NCCRP1: variants seen among roughly 807,000 people sequenced by gnomAD.
NCCRP1 encodes the protein NCCRP1, F-box associated domain containing.
NCCRP1 carries 32 observed loss-of-function variants against 34.4 expected under a neutral mutation model. The ratio of observed to expected loss-of-function variants is 0.93; its 90% CI spans 0.70 to 1.25. NCCRP1 has a LOEUF of 1.25. Ranked by LOEUF, NCCRP1 falls within the 50% of genes most tolerant of loss-of-function variation. The pLI is 0.00. For missense variants in NCCRP1, 372 were observed against 391.8 expected, an observed-to-expected ratio of 0.95 and a Z score of 0.43; for synonymous variants, 172 against 180.1, an observed-to-expected ratio of 0.95 and a Z score of 0.36.
At position 39,200,499 on chromosome 19, in the gene NCCRP1, G is replaced by C. The variant is rs755253469; in HGVS notation, c.687+15G>C. On this transcript the variant is annotated intron_variant, in intron 5 of 5. Transcript: ENST00000339852. This position sits in a 1 kb window ranked among gnomAD's most constrained non-coding sequence, Gnocchi z 5.8. ...GCTGGGTCCAGGTGAGACTCTCCGCGCCGGGGCCCTCAACCCCAGACGTGT... is the reference window on the plus strand; with the variant it reads ...GCTGGGTCCAGGTGAGACTCTCCGCCCCGGGGCCCTCAACCCCAGACGTGT... 6.2e-7 allele frequency: 1 copy of C among 1,611,830 alleles called. No homozygotes were observed. Among genetic ancestry groups the C allele is most frequent in the South Asian group, 1.1e-5 (1 of 90,770 alleles).
chr19:39,199,842 C>T lies in NCCRP1; in HGVS notation c.549-504C>T, dbSNP rs370230158. On this transcript the variant is annotated intron_variant, in intron 4 of 5. Transcript: ENST00000339852. ...CCTTATTTCTTAAAAGCCTGTCACCCTCTATTCTCAAGACCAATTCCTTCT... is the reference window on the plus strand; with the variant it reads ...CCTTATTTCTTAAAAGCCTGTCACCTTCTATTCTCAAGACCAATTCCTTCT... Among the ~76,000 whole-genome samples, 5 of 152,004 alleles carry T rather than the reference C, an allele frequency of 3.3e-5. No homozygotes were observed. In the East Asian group the frequency reaches 9.6e-4, roughly 29 times the overall value.
chr19:39,197,921 T>A, intron 1 of NCCRP1, 132 bp from the exon 2 acceptor site: 1 of 1,004,290 alleles, frequency 1.0e-6, no homozygotes, highest in Non-Finnish European at 1.5e-6. Context: ...CCTGACTCAC[T>A]CATCCCTGCC....
At chr19:39,197,381 CCT>C (rs1169343391) in intron 1 of NCCRP1, 62 bp downstream of exon 1, 2 of 1,294,346 alleles carry the variant, frequency 1.5e-6, no homozygotes, top group African/African-American at 3.1e-5. Flanking sequence ...TTCCTCTTTC[CCT>C]GTTTCCTTAT....
In NCCRP1 at chr19:39,197,136, G is replaced by T. The variant is rs1188437536; in HGVS notation, c.154G>T (p.Ala52Ser). ...PSPPSLPSPA[A>S]PEAPELPEPA... The stretch of plus-strand genomic sequence containing the variant: ...GCCGCCGTCGCTGCCATCGCCCGCA[G>T]CCCCGGAGGCCCCCGAGCTCCCCGA... Residue 52 changes from alanine to serine, a missense_variant, in exon 1 of 6, where the codon GCC (alanine) becomes TCC (serine). Physicochemically the swap from Ala to Ser is moderately conservative, Grantham distance 99. Transcript: ENST00000339852. 4.0e-6 allele frequency: 6 copies of T among 1,497,960 alleles called. No individual in the cohort carries two copies. In the Admixed American group the frequency reaches 8.7e-5, roughly 22 times the overall value. 92.8% of individuals were successfully genotyped at this position (1,497,960 alleles called of 1,614,324 possible). A position where few individuals can be genotyped will look rare whatever the true frequency, so the allele number is the denominator to read the frequency against.
rs763160619 is a variant in NCCRP1, at chr19:39,200,398, C to T, written c.601C>T (p.Leu201=). Residue 201 remains leucine (L), a synonymous_variant, in exon 5 of 6, where the codon CTG becomes TTG. Coordinates refer to ENST00000339852, the MANE Select transcript of NCCRP1 (RefSeq NM_001001414.2). This position sits in a 1 kb window ranked among gnomAD's most constrained non-coding sequence, Gnocchi z 5.8. ...CGTCTATGAGCTGCATGTCTGGCTGCTGGCGGCCGACCGCCGCACGGTCAT... is the reference window on the plus strand; with the variant it reads ...CGTCTATGAGCTGCATGTCTGGCTGTTGGCGGCCGACCGCCGCACGGTCAT... The part of the protein sequence containing the change: ...ACVYELHVWL[L]AADRRTVIAQ... The T allele has an allele frequency of 1.9e-6, 3 of 1,613,538 alleles. No homozygotes were observed. The East Asian group carries it at 6.7e-5, about 36-fold the overall frequency.
rs2074776203 is a variant in NCCRP1, at chr19:39,199,203, G to C, written c.486G>C (p.Leu162=). ...TGAAGCAGCAGTGTGTGGACCTTCT[G>C]GCCGAGGGCCTGTGGGAGGAGCTGC... The part of the protein sequence containing the change: ...WTVKQQCVDL[L]AEGLWEELLD... Residue 162 remains leucine (L), a synonymous_variant, in exon 4 of 6, where the codon CTG becomes CTC. Transcript: ENST00000339852. 2 of 1,613,982 alleles carry C rather than the reference G, an allele frequency of 1.2e-6. No individual in the cohort carries two copies. Among genetic ancestry groups the C allele is most frequent in the Admixed American group, 3.3e-5 (2 of 59,986 alleles).
intron 3 of NCCRP1, among the ~76,000 whole-genome samples, chr19:39,198,520 C>T (rs1048615717): frequency 9.2e-5 from 14 of 152,140 alleles, no homozygotes; most frequent in East Asian, 1.9e-4. Flanking sequence ...AGTGCAGTGA[C>T]GCAATCTCAG....
At chr19:39,199,331 A>T in intron 4 of NCCRP1, 66 bp downstream of exon 4, 1 of 1,428,346 alleles carries the variant, frequency 7.0e-7, no homozygotes, top group South Asian at 1.2e-5. Flanking sequence ...CATGAGCCTT[A>T]CTCTGAGCTC....
intron 1 of NCCRP1, 127 bp from the exon 2 acceptor site, chr19:39,197,926 C>G: frequency 1.9e-6 from 2 of 1,076,614 alleles, no homozygotes; most frequent in Non-Finnish European, 2.8e-6. Context: ...CTCACTCATC[C>G]CTGCCGGGCT....
rs570263986 is a variant in NCCRP1 at position 39,197,995 on chromosome 19, G to A, written c.338-58G>A. 1.2e-4 allele frequency: 189 copies of A among 1,586,100 alleles called. No homozygotes were observed. The African/African-American group carries it at 2.0e-3, about 16-fold the overall frequency. The stretch of plus-strand genomic sequence containing the variant: ...TGTATAGCCCTGCGGGTAGGGAGGG[G>A]TGAGGCGGTGGAAGATGGAGGGGCT... On this transcript the variant is annotated intron_variant, in intron 1 of 5. Transcript: ENST00000339852.
Position 39,197,284 on chromosome 19 carries a change from T to C in NCCRP1, c.302T>C (p.Leu101Pro), listed in dbSNP as rs1394122267. 3 of 1,490,956 alleles carry C rather than the reference T, an allele frequency of 2.0e-6. No individual in the cohort carries two copies. The highest frequency in any genetic ancestry group is 2.7e-6 in the Non-Finnish European group (3 of 1,130,994). 92.4% of individuals were successfully genotyped at this position (1,490,956 alleles called of 1,614,324 possible). Residue 101 changes from leucine to proline, a missense_variant, in exon 1 of 6, where the codon CTC becomes CCC. Leu to Pro is a moderately conservative substitution (Grantham distance 98, BLOSUM62 -3). Coordinates refer to ENST00000339852, the MANE Select transcript of NCCRP1 (RefSeq NM_001001414.2). ...AAGCTGCTCCTGTTGCGGCGGCCGC[T>C]CTACCGCAACCTGCTGCGCTCGCCC... ...TWKLLLLRRP[L>P]YRNLLRSPNP...
intron 1 of NCCRP1, 55 bp downstream of exon 1, chr19:39,197,374 C>A: frequency 7.6e-7 from 1 of 1,324,198 alleles, no homozygotes; most frequent in Non-Finnish European, 9.8e-7. Flanking sequence ...CTGTCTCTTC[C>A]TCTTTCCCTG....
Position 39,200,671 on chromosome 19 carries a change from A to C in NCCRP1, c.743A>C (p.His248Pro), listed in dbSNP as rs774008978. 3.7e-6 allele frequency: 6 copies of C among 1,613,984 alleles called. No individual in the cohort carries two copies. The highest frequency in any genetic ancestry group is 1.3e-5 in the African/African-American group (1 of 74,908). ...GGTGTGCGCTTTATCCACTTCCTGC[A>C]CAAGGCCAAGAACCGCATGGAGCCT... ...GPGVRFIHFL[H>P]KAKNRMEPGG... The change falls in exon 6 of 6, where the codon CAC (histidine) becomes CCC (proline). Residue 248 changes from histidine to proline, a missense_variant. His to Pro is a moderately conservative substitution (Grantham distance 77). Coordinates refer to ENST00000339852, the MANE Select transcript of NCCRP1 (RefSeq NM_001001414.2). This position sits in a 1 kb window ranked among gnomAD's most constrained non-coding sequence, Gnocchi z 5.8.
At position 39,201,171 on chromosome 19, in the gene NCCRP1, C is replaced by G. The variant is rs1388586001; in HGVS notation, c.*415C>G. ...AATGTGTGTTGAAAGGGGAATGAAG[C>G]CATTCACTTCACTCAGTTCCTGTCC... is the stretch of plus-strand genomic sequence containing the variant. On this transcript the variant is annotated 3_prime_UTR_variant, in exon 6 of 6. Transcript: ENST00000339852. 5.3e-6 allele frequency: 1 copy of G among 187,134 alleles called. No homozygotes were observed. The highest frequency in any genetic ancestry group is 5.4e-5 in the Admixed American group (1 of 18,450). The allele number at this position is 187,134 out of a possible 1,614,324, so 11.6% of individuals were successfully genotyped here.
rs924487011 is a variant in NCCRP1, at chr19:39,200,288, G to A, written c.549-58G>A. 1.6e-5 allele frequency: 25 copies of A among 1,597,448 alleles called. No individual in the cohort carries two copies. In the African/African-American group the frequency reaches 2.8e-4, roughly 18 times the overall value. On this transcript the variant is annotated intron_variant, in intron 4 of 5. Transcript: ENST00000339852. This position sits in a 1 kb window ranked among gnomAD's most constrained non-coding sequence, Gnocchi z 5.8. The stretch of plus-strand genomic sequence containing the variant: ...TGTTGAATGGGGAATGGGGCCAGGG[G>A]CTGGGGCTGGGTAGCTGAGACTGCA...
chr19:39,197,018 C>G lies in NCCRP1; in HGVS notation c.36C>G (p.Gly12=). The G allele has an allele frequency of 2.6e-6, 4 of 1,535,234 alleles. No individual in the cohort carries two copies. Among genetic ancestry groups the G allele is most frequent in the Non-Finnish European group, 2.6e-6 (3 of 1,147,718 alleles). ...EEVREGHALG[G]GMEADGPASL... is the part of the protein sequence containing the mutation. ...TGCGTGAGGGACACGCGCTCGGTGG[C>G]GGGATGGAAGCCGATGGGCCCGCGA... is the stretch of plus-strand genomic sequence containing the variant. Residue 12 remains glycine (G), a synonymous_variant, in exon 1 of 6, where the codon GGC becomes GGG. Coordinates refer to ENST00000339852, the MANE Select transcript of NCCRP1 (RefSeq NM_001001414.2).
intron 1 of NCCRP1, 23 bp downstream of exon 1, chr19:39,197,342 C>A: frequency 1.4e-6 from 2 of 1,412,674 alleles, no homozygotes; most frequent in African/African-American, 1.5e-5. Context: ...CCAGAGCAGC[C>A]AGGAGGCACC....
chr19:39,200,380 G>A lies in NCCRP1; in HGVS notation c.583G>A (p.Glu195Lys). ...CAGCCGGCTGGATGCGTGCGTCTATGAGCTGCATGTCTGGCTGCTGGCGGC... is the reference window on the plus strand; with the variant it reads ...CAGCCGGCTGGATGCGTGCGTCTATAAGCTGCATGTCTGGCTGCTGGCGGC... ...EDSRLDACVY[E>K]LHVWLLAADR... The change falls in exon 5 of 6, where the codon GAG (glutamate) becomes AAG (lysine). Residue 195 changes from glutamate to lysine, a missense_variant. By Grantham distance (56) the Glu-to-Lys change is moderately conservative. Transcript: ENST00000339852. This position sits in a 1 kb window ranked among gnomAD's most constrained non-coding sequence, Gnocchi z 5.8. 1 of 1,613,834 alleles carries A rather than the reference G, an allele frequency of 6.2e-7. No individual in the cohort carries two copies. The highest frequency in any genetic ancestry group is 1.3e-5 in the African/African-American group (1 of 75,042).
Position 39,197,270 on chromosome 19 carries a change from G to A in NCCRP1, c.288G>A (p.Leu96=), listed in dbSNP as rs969194923. The change falls in exon 1 of 6, where the codon CTG becomes CTA. Residue 96 remains leucine, a synonymous_variant. Coordinates refer to ENST00000339852, the MANE Select transcript of NCCRP1 (RefSeq NM_001001414.2). The part of the protein sequence containing the change: ...LPQRLTWKLL[L]LRRPLYRNLL... ...AGCGCCTCACCTGGAAGCTGCTCCT[G>A]TTGCGGCGGCCGCTCTACCGCAACC... 2.0e-6 allele frequency: 3 copies of A among 1,494,642 alleles called. No homozygotes were observed. The highest frequency in any genetic ancestry group is 2.6e-6 in the Non-Finnish European group (3 of 1,132,648). 92.6% of individuals were successfully genotyped at this position (1,494,642 alleles called of 1,614,324 possible).
Sources: allele counts gnomAD v4.1 joint callset (sites outside exome capture counted in the v4.1 genomes callset), GRCh38; gene constraint gnomAD v4.1.1; non-coding constraint Gnocchi (gnomAD v3.1); transcripts MANE v1.5; gene names NCBI Gene and HGNC (gene_info 2026-07-23, HGNC 2026-07-21).